BRINP3: variants seen among roughly 807,000 people sequenced by gnomAD.
BRINP3 encodes BMP/retinoic acid-inducible neural-specific protein 3.
BRINP3 carries 19 observed loss-of-function variants against 71.0 expected under a neutral mutation model. The observed-to-expected ratio is 0.27, with a 90% CI of 0.19 to 0.39. BRINP3 has a LOEUF of 0.39. BRINP3 is among the 10% of genes least tolerant of loss of function. The pLI, the probability that BRINP3 is intolerant of heterozygous loss-of-function variation, is 1.00. For synonymous variants in BRINP3, 380 were observed against 337.7 expected, an observed-to-expected ratio of 1.13 and a Z score of -1.37; for missense variants, 959 against 940.8, an observed-to-expected ratio of 1.02 and a Z score of -0.25.
intron 2 of BRINP3, among the ~76,000 whole-genome samples, chr1:190,312,217 C>A (rs577185734): frequency 2.0e-5 from 3 of 150,208 alleles, no homozygotes; most frequent in Non-Finnish European, 3.0e-5. Context: ...TATGTTATTG[C>A]AAAGTTCAAT....
chr1:190,332,537 T>C (rs1667034695), intron 2 of BRINP3, among the ~76,000 whole-genome samples: 1 of 152,034 alleles, frequency 6.6e-6, no homozygotes, highest in Admixed American at 6.6e-5. Context: ...CTGAAATACA[T>C]GGGTCTCAGA....
chr1:190,416,372 C>CT (rs1673003936), intron 2 of BRINP3, among the ~76,000 whole-genome samples: 1 of 152,060 alleles, frequency 6.6e-6, no homozygotes, highest in Non-Finnish European at 1.5e-5. Flanking sequence ...ATATGACCCC[C>CT]TTGCCACCAC....
intron 2 of BRINP3, among the ~76,000 whole-genome samples, chr1:190,302,507 T>C (rs1339228827): frequency 1.3e-5 from 2 of 151,738 alleles, no homozygotes; most frequent in East Asian, 3.9e-4. Context: ...TATGTTAATT[T>C]TGGATTTGTA....
chr1:190,202,687 T>C (rs1655111305), intron 6 of BRINP3, among the ~76,000 whole-genome samples: 1 of 151,856 alleles, frequency 6.6e-6, no homozygotes. Context: ...ATGGGTCTCA[T>C]GAGATCTGAT....
rs933041461 is a variant in BRINP3, at chr1:190,316,528, T to C, written c.237-34778A>G. On this transcript the variant is annotated intron_variant, in intron 2 of 7. Coordinates refer to ENST00000367462, the MANE Select transcript of BRINP3 (RefSeq NM_199051.3). The stretch of plus-strand genomic sequence containing the variant: ...GGAATAAGTTATGATTATACACAGA[T>C]AATATTAATATGGTTAATATAAACT... Among the ~76,000 whole-genome samples, 16 of 152,106 alleles carry C rather than the reference T, an allele frequency of 1.1e-4. 1 individual carries two copies. Among genetic ancestry groups the C allele is most frequent in the Admixed American group, 9.8e-4 (15 of 15,256 alleles).
chr1:190,365,441 A>G (rs1055231484), intron 2 of BRINP3, among the ~76,000 whole-genome samples: 4 of 151,314 alleles, frequency 2.6e-5, no homozygotes, highest in Admixed American at 2.0e-4. Context: ...TCAAGCTTAC[A>G]TTTCTTCATG....
At chr1:190,166,652 A>T (rs1291875506) in intron 6 of BRINP3, among the ~76,000 whole-genome samples, 1 of 152,122 alleles carries the variant, frequency 6.6e-6, no homozygotes, top group Non-Finnish European at 1.5e-5. Context: ...CAGTAATGGT[A>T]ATGGTTAGTT....
intron 6 of BRINP3, among the ~76,000 whole-genome samples, chr1:190,187,649 T>C (rs548957594): frequency 2.0e-5 from 3 of 152,302 alleles, no homozygotes; most frequent in South Asian, 2.1e-4. Flanking sequence ...TTCTCCATTG[T>C]ATGTTCCTGG....
chr1:190,438,810 A>C (rs1375447748), intron 2 of BRINP3, among the ~76,000 whole-genome samples: 3 of 152,036 alleles, frequency 2.0e-5, no homozygotes, highest in African/African-American at 7.2e-5. Flanking sequence ...ATGCCATAAT[A>C]GTGACACACT....
intron 7 of BRINP3, among the ~76,000 whole-genome samples, chr1:190,149,373 G>A (rs924509855): frequency 1.1e-4 from 16 of 151,978 alleles, no homozygotes; most frequent in African/African-American, 3.4e-4. Context: ...TACTTTCTGC[G>A]GTTTATCTTT....
At chr1:190,144,337 A>T (rs999536897) in intron 7 of BRINP3, among the ~76,000 whole-genome samples, 5 of 152,054 alleles carry the variant, frequency 3.3e-5, no homozygotes, top group African/African-American at 7.2e-5. Flanking sequence ...AAGTTCAGGG[A>T]AAGTATCTGA....
Position 190,245,371 on chromosome 1 carries a change from A to G in BRINP3, c.619-10894T>C, listed in dbSNP as rs1402705701. Among the ~76,000 whole-genome samples, 4 of 151,946 alleles carry G rather than the reference A, an allele frequency of 2.6e-5. No individual in the cohort carries two copies. The East Asian group carries it at 7.7e-4, about 29-fold the overall frequency. ...ATGACATTAAAAGAACAAATTAATT[A>G]TATAGGAGAAAGAAGAAACATATAG... On this transcript the variant is annotated intron_variant, in intron 4 of 7. Transcript: ENST00000367462.
At chr1:190,321,110 C>G (rs1048035038) in intron 2 of BRINP3, among the ~76,000 whole-genome samples, 1 of 151,806 alleles carries the variant, frequency 6.6e-6, no homozygotes, top group Non-Finnish European at 1.5e-5. Flanking sequence ...TGTATAGGGG[C>G]AGGGCCAGAC....
At chr1:190,239,666 T>G (rs1658866104) in intron 4 of BRINP3, among the ~76,000 whole-genome samples, 1 of 152,100 alleles carries the variant, frequency 6.6e-6, no homozygotes, top group Non-Finnish European at 1.5e-5. Context: ...AATAATTGGT[T>G]AATATTAATT....
intron 2 of BRINP3, among the ~76,000 whole-genome samples, chr1:190,433,290 T>C (rs553482190): frequency 1.3e-5 from 2 of 152,330 alleles, no homozygotes; most frequent in African/African-American, 4.8e-5. Context: ...TATACTCTGA[T>C]TATAAACTTT....
At chr1:190,442,562 C>G (rs1346025954) in intron 2 of BRINP3, among the ~76,000 whole-genome samples, 1 of 152,080 alleles carries the variant, frequency 6.6e-6, no homozygotes, top group Non-Finnish European at 1.5e-5. Flanking sequence ...AGGGAGAATA[C>G]TCAAAAAGTA....
chr1:190,144,255 T>A (rs1162921825), intron 7 of BRINP3, among the ~76,000 whole-genome samples: 1 of 152,180 alleles, frequency 6.6e-6, no homozygotes, highest in African/African-American at 2.4e-5. Context: ...AGTGCTCATA[T>A]AAAATAATAC....
rs537813791 is a variant in BRINP3, at chr1:190,300,962, G to C, written c.237-19212C>G. On this transcript the variant is annotated intron_variant, in intron 2 of 7. Coordinates refer to ENST00000367462, the MANE Select transcript of BRINP3 (RefSeq NM_199051.3). ...GACGAGCTGAGAGAAGAAGGCTTCA[G>C]ATGATCAAATTACTCTGAGCTACGG... Among the ~76,000 whole-genome samples the C allele has an allele frequency of 1.2e-4, 18 of 151,968 alleles. No individual in the cohort carries two copies. In the South Asian group the frequency reaches 3.7e-3, roughly 32 times the overall value.
intron 4 of BRINP3, among the ~76,000 whole-genome samples, chr1:190,237,595 A>G (rs1442513677): frequency 4.6e-5 from 7 of 151,908 alleles, no homozygotes; most frequent in Non-Finnish European, 8.8e-5. Flanking sequence ...TTCTACTTTT[A>G]TATGTTTCCC....
Sources: gnomAD v4.1 joint callset for allele counts (sites outside exome capture counted in the v4.1 genomes callset) on GRCh38, gnomAD v4.1.1 for gene constraint, MANE v1.5 for transcripts, NCBI Gene and HGNC (gene_info 2026-07-23, HGNC 2026-07-21) for gene names.